ARID4B: variants seen among roughly 807,000 people sequenced by gnomAD.
ARID4B encodes the protein AT-rich interaction domain 4B, also known as AT-rich interactive domain-containing protein 4B.
In ARID4B, 26 loss-of-function variants were observed where a neutral mutation model predicts 147.5. The observed-to-expected ratio is 0.18, with a 90% CI of 0.13 to 0.24. The LOEUF (loss-of-function observed/expected upper bound fraction) is 0.24, where lower values mean the gene tolerates loss of function less well. Among genes scored for constraint, ARID4B ranks in the 10% least tolerant of loss-of-function variants. The pLI is 1.00. For missense variants in ARID4B, 1,179 were observed against 1,511.5 expected, an observed-to-expected ratio of 0.78 and a Z score of 3.65; for synonymous variants, 512 against 507.9, an observed-to-expected ratio of 1.01 and a Z score of -0.11.
chr1:235,283,884 G>C (rs187481989), intron 2 of ARID4B, among the ~76,000 whole-genome samples: 1 of 151,822 alleles, frequency 6.6e-6, no homozygotes, highest in Non-Finnish European at 1.5e-5. Context: ...ACAGACATGC[G>C]CCACCACACC....
chr1:235,273,304 A>G (rs1297108168), intron 2 of ARID4B, among the ~76,000 whole-genome samples: 3 of 152,306 alleles, frequency 2.0e-5, no homozygotes, highest in African/African-American at 4.8e-5. Context: ...TTGGCCTCCC[A>G]AAGTGCTAGG....
At chr1:235,196,768 G>C (rs574547172) in intron 17 of ARID4B, among the ~76,000 whole-genome samples, 1 of 150,444 alleles carries the variant, frequency 6.6e-6, no homozygotes, top group East Asian at 2.0e-4. Context: ...CAGAAGAATC[G>C]TGTGAACCCA....
At chr1:235,273,517 A>G (rs1671123616) in intron 2 of ARID4B, among the ~76,000 whole-genome samples, 1 of 152,206 alleles carries the variant, frequency 6.6e-6, no homozygotes, top group Admixed American at 6.5e-5. Flanking sequence ...CTGCCAATTA[A>G]ACTACGATAT....
intron 2 of ARID4B, among the ~76,000 whole-genome samples, chr1:235,321,658 A>G (rs1674847382): frequency 6.6e-6 from 1 of 151,924 alleles, no homozygotes; most frequent in African/African-American, 2.4e-5. Context: ...AGCCTGGCTA[A>G]TTTCTATTTT....
intron 2 of ARID4B, among the ~76,000 whole-genome samples, chr1:235,311,215 TGG>T (rs1188544516): frequency 6.6e-6 from 1 of 151,782 alleles, no homozygotes; most frequent in Non-Finnish European, 1.5e-5. Flanking sequence ...AATCAACCTA[TGG>T]TGACCCACAC....
chr1:235,182,832 G>C (rs760948268), intron 19 of ARID4B, 39 bp from the exon 20 acceptor site: 12 of 1,536,690 alleles, frequency 7.8e-6, no homozygotes, highest in Non-Finnish European at 1.0e-5. Flanking sequence ...AGTATGATAA[G>C]AACACTAGCA....
intron 2 of ARID4B, among the ~76,000 whole-genome samples, chr1:235,321,665 T>C (rs1286048776): frequency 6.6e-6 from 1 of 152,118 alleles, no homozygotes; most frequent in African/African-American, 2.4e-5. Flanking sequence ...CTAATTTCTA[T>C]TTTTTGTATT....
intron 2 of ARID4B, among the ~76,000 whole-genome samples, chr1:235,322,032 A>AT (rs1014294163): frequency 7.6e-4 from 113 of 148,938 alleles, no homozygotes; most frequent in South Asian, 2.1e-3. Flanking sequence ...TCAAGAAAAA[A>AT]TTTTTTTTTT....
In ARID4B at chr1:235,325,975, T is replaced by C. The variant is rs181105012; in HGVS notation, c.6+939A>G. 8.4e-4 allele frequency among the ~76,000 whole-genome samples: 128 copies of C among 152,276 alleles called. 1 individual carries two copies. Among genetic ancestry groups the C allele is most frequent in the South Asian group, 1.2e-3 (6 of 4,826 alleles). On this transcript the variant is annotated intron_variant, in intron 2 of 23. Coordinates refer to ENST00000264183, the MANE Select transcript of ARID4B (RefSeq NM_016374.6). ...AATAGTTCAAAGGAACTGTCAAAAGTAGACAACGTTGATATTCTAACATGC... is the reference window on the plus strand; with the variant it reads ...AATAGTTCAAAGGAACTGTCAAAAGCAGACAACGTTGATATTCTAACATGC...
intron 7 of ARID4B, among the ~76,000 whole-genome samples, chr1:235,245,544 A>G (rs1669246412): frequency 6.6e-6 from 1 of 152,166 alleles, no homozygotes; most frequent in Admixed American, 6.5e-5. Context: ...TTCCTATAAT[A>G]TATATAAAAA....
At chr1:235,226,686 T>G (rs889553846) in intron 11 of ARID4B, among the ~76,000 whole-genome samples, 4 of 152,190 alleles carry the variant, frequency 2.6e-5, no homozygotes, top group Non-Finnish European at 5.9e-5. Flanking sequence ...CATGCCCGGC[T>G]AATTTTTTGG....
At chr1:235,254,994 A>G (rs1332290786) in intron 5 of ARID4B, among the ~76,000 whole-genome samples, 1 of 151,874 alleles carries the variant, frequency 6.6e-6, no homozygotes, top group Non-Finnish European at 1.5e-5. Flanking sequence ...TAACTACTAA[A>G]GTTTTTGGAG....
rs1294757700 is a variant in ARID4B, at chr1:235,194,257, A to G, written c.1927-46T>C. ...TGTCGTAATTTATCATAAGGCATTT[A>G]TCAGAAACAATGTTAATGTCCACTT... On this transcript the variant is annotated intron_variant, in intron 18 of 23. Transcript: ENST00000264183. The G allele has an allele frequency of 2.9e-6, 4 of 1,363,270 alleles. No individual in the cohort carries two copies. In the African/African-American group the frequency reaches 4.3e-5, roughly 15 times the overall value. The allele number at this position is 1,363,270 out of a possible 1,614,324, so 84.4% of individuals were successfully genotyped here.
chr1:235,299,993 C>G (rs998661691), intron 2 of ARID4B, among the ~76,000 whole-genome samples: 37 of 152,276 alleles, frequency 2.4e-4, no homozygotes, highest in African/African-American at 8.4e-4. Context: ...AACACTGTCC[C>G]TCTACCCACA....
chr1:235,211,674 G>A (rs541772486), intron 17 of ARID4B, among the ~76,000 whole-genome samples: 2 of 152,196 alleles, frequency 1.3e-5, no homozygotes, highest in African/African-American at 2.4e-5. Flanking sequence ...GAATTCCTGG[G>A]TTCAAGTGAT....
intron 19 of ARID4B, chr1:235,190,250 C>T (rs189844743): frequency 5.3e-5 from 8 of 152,338 alleles, no homozygotes; most frequent in Admixed American, 4.6e-4. Context: ...CAGTTCGAGA[C>T]CAGCCTGGCC....
In ARID4B at chr1:235,220,562, A is replaced by C. The variant is rs766608799; in HGVS notation, c.1164-17T>G. The C allele has an allele frequency of 3.3e-6, 5 of 1,525,956 alleles. No individual in the cohort carries two copies. Among genetic ancestry groups the C allele is most frequent in the African/African-American group, 1.4e-5 (1 of 71,572 alleles). The allele number at this position is 1,525,956 out of a possible 1,614,324, so 94.5% of individuals were successfully genotyped here. A position where few individuals can be genotyped will look rare whatever the true frequency, so the allele number is the denominator to read the frequency against. On this transcript the variant is annotated splice_polypyrimidine_tract_variant and intron_variant, in intron 14 of 23. Coordinates refer to ENST00000264183, the MANE Select transcript of ARID4B (RefSeq NM_016374.6). ...TATAAGTATCTGGAAACATGAAGAG[A>C]AATTACATTTGGTGAAAACATTTCA...
intron 1 of ARID4B, 42 bp downstream of exon 1, chr1:235,327,727 A>T (rs1252535997): frequency 6.6e-6 from 1 of 152,026 alleles, no homozygotes; most frequent in Non-Finnish European, 1.5e-5. Context: ...TCCCAAAAGA[A>T]CCCCCTTAGG....
chr1:235,230,605 A>C (rs1302466035), intron 10 of ARID4B, among the ~76,000 whole-genome samples: 1 of 130,030 alleles, frequency 7.7e-6, no homozygotes, highest in African/African-American at 2.9e-5. Context: ...AAAAAAAAAA[A>C]AAAAAAAAAA....
Sources: gnomAD v4.1 joint callset for allele counts (sites outside exome capture counted in the v4.1 genomes callset) on GRCh38, gnomAD v4.1.1 for gene constraint, MANE v1.5 for transcripts, NCBI Gene and HGNC (gene_info 2026-07-23, HGNC 2026-07-21) for gene names.